The following FARS2 variants were observed in gnomAD, a reference collection of about 807,000 sequenced individuals.
FARS2 encodes the protein phenylalanyl-tRNA synthetase 2, mitochondrial, also known as phenylalanine--tRNA ligase, mitochondrial.
A neutral mutation model predicts 46.4 loss-of-function variants in FARS2; 40 were observed. The observed-to-expected ratio is 0.86, with a 90% CI of 0.67 to 1.12. The LOEUF is 1.12. Among genes scored for constraint, FARS2 ranks in the 50% most tolerant of loss-of-function variants. The pLI is 0.00. For missense variants in FARS2, 513 were observed against 567.9 expected, an observed-to-expected ratio of 0.90 and a Z score of 0.98; for synonymous variants, 234 against 214.9, an observed-to-expected ratio of 1.09 and a Z score of -0.78.
At chr6:5,515,353 A>G (rs769404446) in intron 4 of FARS2, among the ~76,000 whole-genome samples, 26 of 152,170 alleles carry the variant, frequency 1.7e-4, no homozygotes, top group Non-Finnish European at 3.7e-4. Flanking sequence ...TGACTATGAT[A>G]TAGTCATTTC....
At chr6:5,702,735 G>A (rs1758518797) in intron 6 of FARS2, among the ~76,000 whole-genome samples, 1 of 152,198 alleles carries the variant, frequency 6.6e-6, no homozygotes. Context: ...CTCATCCAAG[G>A]ATTCTGGTTA....
At chr6:5,706,693 T>C (rs1758786197) in intron 6 of FARS2, among the ~76,000 whole-genome samples, 2 of 152,224 alleles carry the variant, frequency 1.3e-5, no homozygotes, top group Admixed American at 1.3e-4. Flanking sequence ...TCACTGGCCA[T>C]GTTTTAACTT....
intron 4 of FARS2, among the ~76,000 whole-genome samples, chr6:5,524,117 T>C (rs1174768608): frequency 1.4e-5 from 2 of 146,484 alleles, no homozygotes; most frequent in African/African-American, 2.6e-5. Flanking sequence ...AGATAATGAA[T>C]GTACCACTTG....
In FARS2 at chr6:5,482,242, A is replaced by G. The variant is rs377498294; in HGVS notation, c.904+51070A>G. On this transcript the variant is annotated intron_variant, in intron 4 of 6. Coordinates refer to ENST00000274680, the MANE Select transcript of FARS2 (RefSeq NM_006567.5). The stretch of plus-strand genomic sequence containing the variant: ...TATATTTCTGGTATCAGTATTTGAT[A>G]TCAGTACAATCCATATTATCTTTCA... Among the ~76,000 whole-genome samples the G allele has an allele frequency of 2.7e-4, 41 of 152,278 alleles. 1 individual carries two copies. The highest frequency in any genetic ancestry group is 9.4e-4 in the African/African-American group (39 of 41,560).
chr6:5,735,193 A>C (rs1278177126), intron 6 of FARS2, among the ~76,000 whole-genome samples: 2 of 152,258 alleles, frequency 1.3e-5, no homozygotes, highest in African/African-American at 4.8e-5. Flanking sequence ...ATAGAATTAC[A>C]TCTATGCAAT....
In FARS2 at chr6:5,625,572, T is replaced by C. The variant is rs1039753255; in HGVS notation, c.1217+12252T>C. ...TCCTAATGGCACCCAAGATCCTGGG[T>C]GTCTGTCTTAGGAGGGATGTTTGGT... On this transcript the variant is annotated intron_variant, in intron 6 of 6. Coordinates refer to ENST00000274680, the MANE Select transcript of FARS2 (RefSeq NM_006567.5). 2.6e-5 allele frequency among the ~76,000 whole-genome samples: 4 copies of C among 152,074 alleles called. No homozygotes were observed. The East Asian group carries it at 7.7e-4, about 29-fold the overall frequency.
At chr6:5,557,380 C>T (rs1009300574) in intron 5 of FARS2, among the ~76,000 whole-genome samples, 4 of 152,114 alleles carry the variant, frequency 2.6e-5, no homozygotes, top group East Asian at 3.8e-4. Flanking sequence ...CTTACGACAA[C>T]GTCTAGAGAC....
At chr6:5,745,223 C>A (rs531139731) in intron 6 of FARS2, among the ~76,000 whole-genome samples, 1 of 152,242 alleles carries the variant, frequency 6.6e-6, no homozygotes, top group Non-Finnish European at 1.5e-5. Context: ...AAAGTGATTT[C>A]TTGGAAATCC....
chr6:5,356,191 A>G (rs778216996), intron 1 of FARS2, among the ~76,000 whole-genome samples: 10 of 152,178 alleles, frequency 6.6e-5, no homozygotes, highest in East Asian at 1.9e-4. Context: ...GCTTACGCCT[A>G]TAATTGTAGC....
rs58256499 is a variant in FARS2 at position 5,731,452 on chromosome 6, C to T, written c.1218-39839C>T. ...ATCCTCTTGCTCCCCAGATTCGTTC[C>T]ATGTCTCCTGCTTCTGCACTCACGC... On this transcript the variant is annotated intron_variant, in intron 6 of 6. Transcript: ENST00000274680. 5.9e-3 allele frequency among the ~76,000 whole-genome samples: 895 copies of T among 152,304 alleles called. 8 individuals carry two copies. Among genetic ancestry groups the T allele is most frequent in the African/African-American group, 0.02 (840 of 41,556 alleles).
intron 2 of FARS2, among the ~76,000 whole-genome samples, chr6:5,397,602 G>T (rs1760985808): frequency 6.6e-6 from 1 of 152,150 alleles, no homozygotes; most frequent in South Asian, 2.1e-4. Flanking sequence ...AACCTAAAAC[G>T]ATGCTTAAAA....
rs746746116 is a variant in FARS2, at chr6:5,545,200, G to C, written c.925G>C (p.Gly309Arg). 18 of 1,613,742 alleles carry C rather than the reference G, an allele frequency of 1.1e-5. No homozygotes were observed. Among genetic ancestry groups the C allele is most frequent in the Non-Finnish European group, 1.5e-5 (18 of 1,179,784 alleles). The change falls in exon 5 of 7, where the codon GGC becomes CGC. Residue 309 changes from glycine to arginine, a missense_variant. By Grantham distance (125) the Gly-to-Arg change is moderately radical. Coordinates refer to ENST00000274680, the MANE Select transcript of FARS2 (RefSeq NM_006567.5). ...VNSAGAQDRI[G>R]WAFGLGLERL... ...CACAGCTGGTGCTCAAGACCGAATC[G>C]GCTGGGCTTTTGGCCTAGGATTAGA...
At chr6:5,740,592 C>T (rs1447043191) in intron 6 of FARS2, among the ~76,000 whole-genome samples, 1 of 152,054 alleles carries the variant, frequency 6.6e-6, no homozygotes, top group East Asian at 1.9e-4. Flanking sequence ...CGTGGAGCCA[C>T]AAAAGCCCCC....
intron 4 of FARS2, among the ~76,000 whole-genome samples, chr6:5,460,907 G>A (rs1765205383): frequency 6.6e-6 from 1 of 152,178 alleles, no homozygotes; most frequent in African/African-American, 2.4e-5. Context: ...AGTACAGAAA[G>A]GCAGATGGGA....
intron 4 of FARS2, among the ~76,000 whole-genome samples, chr6:5,453,672 CT>C (rs34412881): frequency 0.013 from 1,925 of 152,266 alleles, 24 homozygotes; most frequent in Non-Finnish European, 0.02. Flanking sequence ...TGTTTTTTAT[CT>C]TTTACACCAG....
intron 4 of FARS2, among the ~76,000 whole-genome samples, chr6:5,540,884 A>T (rs1369731923): frequency 6.6e-6 from 1 of 152,210 alleles, no homozygotes; most frequent in African/African-American, 2.4e-5. Context: ...AAGTGTTAGG[A>T]AGATCCGCTA....
chr6:5,520,037 A>C (rs140979423), intron 4 of FARS2, among the ~76,000 whole-genome samples: 1 of 152,116 alleles, frequency 6.6e-6, no homozygotes, highest in Admixed American at 6.6e-5. Flanking sequence ...CCAGTTCCCC[A>C]CAATGCTGTG....
intron 1 of FARS2, among the ~76,000 whole-genome samples, chr6:5,316,734 T>C (rs1023313856): frequency 1.3e-5 from 2 of 152,206 alleles, no homozygotes; most frequent in Admixed American, 6.5e-5. Flanking sequence ...CACCAGTGTC[T>C]CACAAAAATC....
upstream of FARS2, among the ~76,000 whole-genome samples, chr6:5,256,491 G>A (rs9504367): frequency 0.71 from 31,187 of 43,840 alleles, 10,166 homozygotes; most frequent in African/African-American, 0.8. Context: ...ATTTCAACTG[G>A]AAAAAAAAAA....
Sources: gnomAD v4.1 joint callset for allele counts (sites outside exome capture counted in the v4.1 genomes callset) on GRCh38, gnomAD v4.1.1 for gene constraint, MANE v1.5 for transcripts, NCBI Gene and HGNC (gene_info 2026-07-23, HGNC 2026-07-21) for gene names.